INTS6L: variants seen among roughly 807,000 people sequenced by gnomAD.
INTS6L encodes integrator complex subunit 6-like.
INTS6L carries 18 observed loss-of-function variants against 64.7 expected under a neutral mutation model. The observed-to-expected ratio is 0.28, with a 90% confidence interval of 0.19 to 0.41. The LOEUF (loss-of-function observed/expected upper bound fraction) is 0.41. Ranked by LOEUF, INTS6L falls within the 10% of genes least tolerant of loss-of-function variation. INTS6L has a pLI of 1.00. For synonymous variants in INTS6L, 227 were observed against 235.9 expected (o/e 0.96, Z 0.34); for missense variants, 533 against 661.0 (o/e 0.81, Z 2.12).
At chrX:135,549,092 T>A (rs1020270938) in intron 6 of INTS6L, among the ~76,000 whole-genome samples, 1 of 112,451 alleles carries the variant, frequency 8.9e-6, no homozygotes, top group African/African-American at 3.2e-5. Flanking sequence ...GCATTTCTTC[T>A]ATCTTTAAGT....
At chrX:135,578,833 A>T (rs1322508263) in intron 15 of INTS6L, among the ~76,000 whole-genome samples, 1 of 111,262 alleles carries the variant, frequency 9.0e-6, no homozygotes, top group Non-Finnish European at 1.9e-5. Flanking sequence ...CATCTATCAC[A>T]TACTCTCTAA....
At chrX:135,540,186 TG>T (rs1556511910) in intron 2 of INTS6L, among the ~76,000 whole-genome samples, 1 of 111,717 alleles carries the variant, frequency 9.0e-6, no homozygotes, top group African/African-American at 3.3e-5. Flanking sequence ...TTTAAATTGG[TG>T]GGCTCTGAAG....
chrX:135,536,244 A>C (rs1483327311), intron 2 of INTS6L, among the ~76,000 whole-genome samples: 1 of 112,226 alleles, frequency 8.9e-6, no homozygotes, highest in Non-Finnish European at 1.9e-5. Flanking sequence ...GGAAAGATTC[A>C]TTGCCAGTCC....
intron 9 of INTS6L, among the ~76,000 whole-genome samples, chrX:135,566,398 T>C (rs2086951088): frequency 8.9e-6 from 1 of 111,954 alleles, no homozygotes; most frequent in Admixed American, 9.5e-5. Flanking sequence ...AAGAAGGCTA[T>C]TGTATAATTT....
At chrX:135,561,199 C>T (rs2086782108) in intron 9 of INTS6L, among the ~76,000 whole-genome samples, 1 of 110,802 alleles carries the variant, frequency 9.0e-6, no homozygotes, top group African/African-American at 3.3e-5. Context: ...GTGATCCATT[C>T]GCCTCGGCCT....
intron 11 of INTS6L, chrX:135,570,909 C>T (rs2087074987): frequency 6.9e-6 from 1 of 144,842 alleles, no homozygotes; most frequent in African/African-American, 3.1e-5. Flanking sequence ...TAGATCAGCA[C>T]ACTGAGGCGT....
intron 5 of INTS6L, 105 bp from the exon 6 acceptor site, chrX:135,547,032 A>G: frequency 7.1e-6 from 8 of 1,122,487 alleles, no homozygotes; most frequent in Non-Finnish European, 9.6e-6. Context: ...TTTGCTGCCA[A>G]TGTAGTTATG....
intron 13 of INTS6L, 93 bp downstream of exon 13, chrX:135,574,155 TTA>T: frequency 1.2e-5 from 12 of 966,384 alleles, no homozygotes; most frequent in Middle Eastern, 2.9e-4. Context: ...GTAGGCTATT[TTA>T]TAGTATTTTA....
intron 2 of INTS6L, among the ~76,000 whole-genome samples, chrX:135,523,034 A>C (rs1556498664): frequency 1.8e-5 from 2 of 111,869 alleles, no homozygotes; most frequent in African/African-American, 3.3e-5. Flanking sequence ...CATGCTCCTT[A>C]ATTCGAAGTA....
chrX:135,542,170 C>T (rs1556513030), intron 2 of INTS6L, among the ~76,000 whole-genome samples: 2 of 111,214 alleles, frequency 1.8e-5, no homozygotes, highest in African/African-American at 6.5e-5. Flanking sequence ...AGGAATTAAC[C>T]TACAAACAAT....
At chrX:135,575,620 C>T (rs2087202861) in intron 14 of INTS6L, among the ~76,000 whole-genome samples, 1 of 112,439 alleles carries the variant, frequency 8.9e-6, no homozygotes, top group Non-Finnish European at 1.9e-5. Flanking sequence ...ATTCATTCCA[C>T]CACACACTAA....
chrX:135,551,971 T>C (rs1556517131), intron 7 of INTS6L, 23 bp from the exon 8 acceptor site: 1 of 1,108,801 alleles, frequency 9.0e-7, no homozygotes. Flanking sequence ...TTTTTTCTGC[T>C]TTTTTTAAAA....
chrX:135,573,642 G>A (rs1377093588), intron 12 of INTS6L, among the ~76,000 whole-genome samples: 2 of 112,609 alleles, frequency 1.8e-5, no homozygotes, highest in African/African-American at 6.5e-5. Flanking sequence ...GGCTGCCAGA[G>A]GAATACATCT....
chrX:135,547,013 A>G (rs2086374883), intron 5 of INTS6L, 124 bp from the exon 6 acceptor site: 1 of 1,104,828 alleles, frequency 9.1e-7, no homozygotes, highest in Non-Finnish European at 1.2e-6. Context: ...TAAGGTCATC[A>G]TTGGTATATT....
At chrX:135,550,852 G>C (rs1261481847) in intron 7 of INTS6L, among the ~76,000 whole-genome samples, 2 of 111,309 alleles carry the variant, frequency 1.8e-5, no homozygotes, top group African/African-American at 6.5e-5. Context: ...TCGAGTACAG[G>C]CTTTATGGCA....
chrX:135,543,367 A>G (rs781916849), intron 2 of INTS6L, among the ~76,000 whole-genome samples: 3 of 110,936 alleles, frequency 2.7e-5, no homozygotes, highest in Non-Finnish European at 3.8e-5. Context: ...GTGGTTCTCA[A>G]GTAAGTCCTA....
At chrX:135,542,579 CTA>C (rs1556513272) in intron 2 of INTS6L, among the ~76,000 whole-genome samples, 1 of 110,395 alleles carries the variant, frequency 9.1e-6, no homozygotes, top group Non-Finnish European at 1.9e-5. Flanking sequence ...AGGAAGGAAA[CTA>C]TTAATATTTG....
At chrX:135,546,925 A>C in intron 5 of INTS6L, 40 bp downstream of exon 5, 1 of 1,176,347 alleles carries the variant, frequency 8.5e-7, no homozygotes, top group Non-Finnish European at 1.1e-6. Context: ...AAAAATTCAG[A>C]GCATAGAGTA....
chrX:135,554,604 A>C (rs1394496466), intron 8 of INTS6L, among the ~76,000 whole-genome samples: 1 of 111,581 alleles, frequency 9.0e-6, no homozygotes, highest in African/African-American at 3.3e-5. Context: ...ATTCTGTTAA[A>C]TGTCAAGGTT....
Sources: gnomAD v4.1 joint callset for allele counts (sites outside exome capture counted in the v4.1 genomes callset) on GRCh38, gnomAD v4.1.1 for gene constraint, MANE v1.5 for transcripts, NCBI Gene and HGNC (gene_info 2026-07-23, HGNC 2026-07-21) for gene names.